CORO7: variants seen among roughly 807,000 people sequenced by gnomAD.
CORO7 encodes coronin 7.
Under a neutral mutation model 126.6 loss-of-function variants are expected in CORO7, and 107 were observed. That is an observed-to-expected ratio of 0.85 (90% CI 0.72 to 0.99). CORO7 has a LOEUF of 0.99. CORO7 is among the 50% of genes least tolerant of loss of function. The pLI, the probability that CORO7 is intolerant of heterozygous loss-of-function variation, is 0.00. For synonymous variants in CORO7, 603 were observed against 536.8 expected (o/e 1.12, Z -1.70); for missense variants, 1,314 against 1,255.8 (o/e 1.05, Z -0.70).
At position 4,388,549 on chromosome 16, in the gene CORO7, T is replaced by C. The variant is rs765131753; in HGVS notation, c.698A>G (p.Asn233Ser). The change falls in exon 8 of 28, where the codon AAC (asparagine) becomes AGC (serine). Residue 233 changes from asparagine to serine, a missense_variant. By Grantham distance (46) the Asn-to-Ser change is conservative (BLOSUM62 1). Transcript: ENST00000251166. The stretch of plus-strand genomic sequence containing the variant: ...CCTCCAGGAGGAACCCCCTACCTGG[T>C]TGAATCCAGTAGACACAAGGTGCTC... Reference protein sequence around the residue: ...TWEHLVSTGFNQMREREVKLW... With the variant: ...TWEHLVSTGFSQMREREVKLW... 11 of 1,612,280 alleles carry C rather than the reference T, an allele frequency of 6.8e-6. No individual in the cohort carries two copies. Among genetic ancestry groups the C allele is most frequent in the South Asian group, 1.1e-5 (1 of 90,674 alleles).
chr16:4,415,197 A>G (rs1217847255), intron 1 of CORO7, among the ~76,000 whole-genome samples: 1 of 152,022 alleles, frequency 6.6e-6, no homozygotes, highest in Non-Finnish European at 1.5e-5. Flanking sequence ...ATCAGAATAA[A>G]ACCCAACTTC....
At position 4,362,176 on chromosome 16, in the gene CORO7, G is replaced by T; in HGVS notation, c.1403-16C>A. The T allele has an allele frequency of 6.2e-7, 1 of 1,601,154 alleles. No individual in the cohort carries two copies. The highest frequency in any genetic ancestry group is 8.5e-7 in the Non-Finnish European group (1 of 1,174,164). On this transcript the variant is annotated splice_polypyrimidine_tract_variant and intron_variant, in intron 15 of 27. Coordinates refer to ENST00000251166, the MANE Select transcript of CORO7 (RefSeq NM_024535.5). The surrounding 1 kb of genome is among the most constrained non-coding windows in gnomAD (Gnocchi z 5.3). ...GAACTGGGGCCTGGCAGGTGGCAGGGACATGGAACCACGTGTGAGGATGCC... is the reference window on the plus strand; with the variant it reads ...GAACTGGGGCCTGGCAGGTGGCAGGTACATGGAACCACGTGTGAGGATGCC...
intron 9 of CORO7, among the ~76,000 whole-genome samples, chr16:4,379,880 TAA>T (rs34020450): frequency 6.4e-5 from 7 of 109,174 alleles, no homozygotes; most frequent in Admixed American, 1.9e-4. Flanking sequence ...CTGTCTCTAC[TAA>T]AAAAAAAAAA....
intron 7 of CORO7, among the ~76,000 whole-genome samples, chr16:4,393,316 C>T (rs2055463856): frequency 6.6e-6 from 1 of 152,146 alleles, no homozygotes; most frequent in South Asian, 2.1e-4. Context: ...AAGAAAGCTA[C>T]CTAGTGAGGA....
At chr16:4,373,935 C>G (rs2054621660) in intron 9 of CORO7, among the ~76,000 whole-genome samples, 1 of 152,168 alleles carries the variant, frequency 6.6e-6, no homozygotes, top group South Asian at 2.1e-4. Context: ...GGCCACCTAA[C>G]TCTGTTAGTG....
In CORO7 at chr16:4,405,488, C is replaced by T. The variant is rs2141314416; in HGVS notation, c.564+3G>A. On this transcript the variant is annotated splice_donor_region_variant and intron_variant, in intron 6 of 27. Coordinates refer to ENST00000251166, the MANE Select transcript of CORO7 (RefSeq NM_024535.5). ...CACAGGGCATCCCCACCTGCCTGCT[C>T]ACCTTGCACGCCGTGCCCACCAGGG... 1 of 1,611,692 alleles carries T rather than the reference C, an allele frequency of 6.2e-7. No individual in the cohort carries two copies. Among genetic ancestry groups the T allele is most frequent in the Non-Finnish European group, 8.5e-7 (1 of 1,179,582 alleles).
At position 4,364,327 on chromosome 16, in the gene CORO7, G is replaced by A. The variant is rs144470003; in HGVS notation, c.1224C>T (p.Asp408=). ...TCTCCATCACCGCAGGCTGGGCTGT[G>A]TCAGGGAGGGGCTCCGCAGGGGGCA... is the stretch of plus-strand genomic sequence containing the variant. ...CLVPPAEPLP[D]TAQPAVMETP... The change falls in exon 14 of 28, where the codon GAC becomes GAT. Residue 408 remains aspartate (D), a synonymous_variant. Coordinates refer to ENST00000251166, the MANE Select transcript of CORO7 (RefSeq NM_024535.5). 9.3e-5 allele frequency: 143 copies of A among 1,541,258 alleles called. No individual in the cohort carries two copies. The African/African-American group carries it at 1.7e-3, about 18-fold the overall frequency.
rs374808315 is a variant in CORO7 at position 4,382,187 on chromosome 16, C to T, written c.785+5799G>A. ...GCGTGCTTGTGCCCCGAAGGCTTCA[C>T]GGGCCTGTACTGTGAGAGCCAGATG... On this transcript the variant is annotated intron_variant, in intron 9 of 27. Transcript: ENST00000251166. 1.1e-5 allele frequency: 17 copies of T among 1,599,058 alleles called. No homozygotes were observed. The Admixed American group carries it at 1.2e-4, about 11-fold the overall frequency.
rs764139188 is a variant in CORO7, at chr16:4,359,246, C to T, written c.2340+50G>A. 3.3e-6 allele frequency: 5 copies of T among 1,527,496 alleles called. No individual in the cohort carries two copies. In the Admixed American group the frequency reaches 1.0e-4, roughly 32 times the overall value. 94.6% of individuals were successfully genotyped at this position (1,527,496 alleles called of 1,614,324 possible). A position where few individuals can be genotyped will look rare whatever the true frequency, so the allele number is the denominator to read the frequency against. On this transcript the variant is annotated intron_variant, in intron 23 of 27. Transcript: ENST00000251166. ...ACTTGCCCACATGGCCACCAGGGGGCAGGGCAGCCTTGTGGTCCCATCGGG... is the reference window on the plus strand; with the variant it reads ...ACTTGCCCACATGGCCACCAGGGGGTAGGGCAGCCTTGTGGTCCCATCGGG...
intron 9 of CORO7, among the ~76,000 whole-genome samples, chr16:4,378,516 A>G (rs1407572216): frequency 1.3e-5 from 2 of 152,164 alleles, no homozygotes; most frequent in Non-Finnish European, 2.9e-5. Context: ...TCTGGAGGCC[A>G]GGCCGCACCC....
chr16:4,380,840 T>A, intron 9 of CORO7: 1 of 1,443,862 alleles, frequency 6.9e-7, no homozygotes, highest in Non-Finnish European at 9.1e-7. Context: ...ACTCACAGTC[T>A]TCTGTCTCTG....
intron 9 of CORO7, among the ~76,000 whole-genome samples, chr16:4,367,126 A>C (rs1174464051): frequency 6.6e-6 from 1 of 152,148 alleles, no homozygotes; most frequent in African/African-American, 2.4e-5. Flanking sequence ...GGGTGTCTCC[A>C]TGACTTCCTG....
At chr16:4,396,075 T>G (rs2055579364) in intron 6 of CORO7, among the ~76,000 whole-genome samples, 2 of 151,662 alleles carry the variant, frequency 1.3e-5, no homozygotes, top group South Asian at 4.2e-4. Context: ...GGCTGGGCCA[T>G]AATAATTTTT....
Position 4,416,525 on chromosome 16 carries a change from G to C in CORO7, c.-7C>G, listed in dbSNP as rs375292869. 1.5e-5 allele frequency: 24 copies of C among 1,572,588 alleles called. No individual in the cohort carries two copies. In the South Asian group the frequency reaches 2.0e-4, roughly 13 times the overall value. On this transcript the variant is annotated 5_prime_UTR_variant, in exon 1 of 28. Coordinates refer to ENST00000251166, the MANE Select transcript of CORO7 (RefSeq NM_024535.5). ...ACACCCTGAAGCGGTTCATGGCGAC[G>C]GGCACGGCGGCGGACGCGTCTTCGA...
rs2054084115 is a variant in CORO7, at chr16:4,359,342, G to C, written c.2294C>G (p.Pro765Arg). Reference protein sequence around the residue: ...VFLYELLPESPFFLECNSFTS... With the variant: ...VFLYELLPESRFFLECNSFTS... ...GAAGCTGTTGCACTCCAGGAAGAAA[G>C]GGGACTCGGGGAGCAGCTCGTACAG... Residue 765 changes from proline to arginine, a missense_variant, in exon 23 of 28, where the codon CCT becomes CGT. Pro to Arg is a moderately radical substitution (Grantham distance 103). Coordinates refer to ENST00000251166, the MANE Select transcript of CORO7 (RefSeq NM_024535.5). 1 of 1,612,890 alleles carries C rather than the reference G, an allele frequency of 6.2e-7. No homozygotes were observed. Among genetic ancestry groups the C allele is most frequent in the Admixed American group, 1.7e-5 (1 of 59,916 alleles).
rs777924581 is a variant in CORO7 at position 4,416,542 on chromosome 16, C to G, written c.-24G>C. 1 of 1,570,542 alleles carries G rather than the reference C, an allele frequency of 6.4e-7. No individual in the cohort carries two copies. Among genetic ancestry groups the G allele is most frequent in the South Asian group, 1.2e-5 (1 of 86,874 alleles). On this transcript the variant is annotated 5_prime_UTR_variant, in exon 1 of 28. Coordinates refer to ENST00000251166, the MANE Select transcript of CORO7 (RefSeq NM_024535.5). The stretch of plus-strand genomic sequence containing the variant: ...ATGGCGACGGGCACGGCGGCGGACG[C>G]GTCTTCGAGGACCCCGGGCGTCGGG...
Position 4,362,694 on chromosome 16 carries a change from C to A in CORO7, c.1320G>T (p.Thr440=), listed in dbSNP as rs36056990. The change falls in exon 15 of 28, where the codon ACG becomes ACT. Residue 440 remains threonine, a synonymous_variant. Coordinates refer to ENST00000251166, the MANE Select transcript of CORO7 (RefSeq NM_024535.5). The surrounding 1 kb of genome is among the most constrained non-coding windows in gnomAD (Gnocchi z 5.3). ...AGAGTGAGGGCCCCAGGCTGGAGGG[C>A]GTGGAGGGCGAGGTCAGCGAACTGG... The part of the protein sequence containing the change: ...SPPSSLTSPS[T]PSSLGPSLSS... 1 of 1,465,422 alleles carries A rather than the reference C, an allele frequency of 6.8e-7. No homozygotes were observed. The highest frequency in any genetic ancestry group is 9.0e-7 in the Non-Finnish European group (1 of 1,106,362). The allele number at this position is 1,465,422 out of a possible 1,614,324, so 90.8% of individuals were successfully genotyped here.
At chr16:4,405,380 C>G in intron 6 of CORO7, 111 bp downstream of exon 6, 1 of 1,249,188 alleles carries the variant, frequency 8.0e-7, no homozygotes, top group South Asian at 1.6e-5. Context: ...CCATCCTGAC[C>G]TCAGTGCTCC....
In CORO7 at chr16:4,407,110, G is replaced by T. The variant is rs192343875; in HGVS notation, c.487+391C>A. On this transcript the variant is annotated intron_variant, in intron 5 of 27. Coordinates refer to ENST00000251166, the MANE Select transcript of CORO7 (RefSeq NM_024535.5). ...TTACAGGTGTGTGCCACCACGCCCGGCTAATTTTTGTATATTTAGTAGAGA... is the reference window on the plus strand; with the variant it reads ...TTACAGGTGTGTGCCACCACGCCCGTCTAATTTTTGTATATTTAGTAGAGA... Among the ~76,000 whole-genome samples, 88 of 151,446 alleles carry T rather than the reference G, an allele frequency of 5.8e-4. No homozygotes were observed. The Middle Eastern group carries it at 0.01, about 18-fold the overall frequency.
Sources: gnomAD v4.1 joint callset for allele counts (sites outside exome capture counted in the v4.1 genomes callset) on GRCh38, gnomAD v4.1.1 for gene constraint, Gnocchi (gnomAD v3.1) non-coding constraint, MANE v1.5 for transcripts, NCBI Gene and HGNC (gene_info 2026-07-23, HGNC 2026-07-21) for gene names.